Variants in GGA2 observed in about 807,000 individuals in gnomAD.
GGA2 encodes ADP-ribosylation factor-binding protein GGA2.
A neutral mutation model predicts 79.5 loss-of-function variants in GGA2; 48 were observed. The ratio of observed to expected loss-of-function variants is 0.60; its 90% CI spans 0.48 to 0.77. The LOEUF (loss-of-function observed/expected upper bound fraction) is 0.77, where lower values mean the gene tolerates loss of function less well. Ranked by LOEUF, GGA2 falls within the 30% of genes least tolerant of loss-of-function variation. GGA2 has a pLI of 0.00. For synonymous variants in GGA2, 317 were observed against 302.0 expected (o/e 1.05, Z -0.51); for missense variants, 770 against 774.0 (o/e 0.99, Z 0.06).
upstream of GGA2, chr16:23,522,494 G>A (rs1965155460): frequency 6.6e-6 from 1 of 151,972 alleles, no homozygotes; most frequent in South Asian, 2.1e-4. Flanking sequence ...TTTGGTAGAT[G>A]CTGTGGCTCT....
At chr16:23,502,042 G>A (rs1475197128) in intron 1 of GGA2, among the ~76,000 whole-genome samples, 1 of 152,204 alleles carries the variant, frequency 6.6e-6, no homozygotes, top group East Asian at 1.9e-4. Context: ...CCTAGCATGT[G>A]ACAGTGGTCT....
chr16:23,518,576 C>G (rs906945478), intron 2 of GGA2, among the ~76,000 whole-genome samples: 3 of 152,224 alleles, frequency 2.0e-5, no homozygotes, highest in Non-Finnish European at 2.9e-5. Flanking sequence ...CCTTCACTTC[C>G]AAGCTTTGTC....
intron 6 of GGA2, among the ~76,000 whole-genome samples, 194 bp from the exon 7 acceptor site, chr16:23,486,984 G>GTTTTTTT (rs35896041): frequency 7.5e-6 from 1 of 133,194 alleles, no homozygotes; most frequent in Non-Finnish European, 1.6e-5. Context: ...CTTTTCTGTT[G>GTTTTTTT]TTTTTTTTTT....
In GGA2 at chr16:23,465,661, C is replaced by T; in HGVS notation, c.*1929G>A. On this transcript the variant is annotated 3_prime_UTR_variant, in exon 17 of 17. Transcript: ENST00000309859. ...AGAGCCTATAAAAGCTACACAGAGG[C>T]CGGGTGCGGTGGCTCACGCCTGTAA... 1 of 469,280 alleles carries T rather than the reference C, an allele frequency of 2.1e-6. No individual in the cohort carries two copies. Among genetic ancestry groups the T allele is most frequent in the Non-Finnish European group, 3.8e-6 (1 of 262,398 alleles). The allele number at this position is 469,280 out of a possible 1,614,324, so 29.1% of individuals were successfully genotyped here.
intron 14 of GGA2, among the ~76,000 whole-genome samples, chr16:23,472,627 G>C (rs1207032946): frequency 6.6e-6 from 1 of 151,856 alleles, no homozygotes; most frequent in Non-Finnish European, 1.5e-5. Flanking sequence ...AGGATGGCTT[G>C]AGCCTGGAGG....
At chr16:23,512,365 T>A (rs1471530735), upstream of GGA2, among the ~76,000 whole-genome samples, 1 of 152,250 alleles carries the variant, frequency 6.6e-6, no homozygotes, top group Non-Finnish European at 1.5e-5. Context: ...AGGGTTCAGA[T>A]GTTCCTCTTA....
upstream of GGA2, among the ~76,000 whole-genome samples, chr16:23,511,490 T>G (rs915460647): frequency 5.4e-5 from 8 of 149,260 alleles, no homozygotes; most frequent in Non-Finnish European, 3.0e-5. Context: ...ACAGAAGGGT[T>G]TTCCTGGAAC....
Position 23,474,896 on chromosome 16 carries a change from G to A in GGA2, c.1450+8C>T. ...AAAAAAAAAGGTGGGGAGTGAAATT[G>A]TACTTACTGGGCTTAACAGACTCCA... On this transcript the variant is annotated splice_region_variant and intron_variant, in intron 14 of 16. Coordinates refer to ENST00000309859, the MANE Select transcript of GGA2 (RefSeq NM_015044.4). The A allele has an allele frequency of 6.3e-7, 1 of 1,589,928 alleles. No individual in the cohort carries two copies. Among genetic ancestry groups the A allele is most frequent in the Non-Finnish European group, 8.6e-7 (1 of 1,159,034 alleles).
At chr16:23,482,567 G>A (rs1000533158) in intron 9 of GGA2, among the ~76,000 whole-genome samples, 1 of 152,096 alleles carries the variant, frequency 6.6e-6, no homozygotes, top group Non-Finnish European at 1.5e-5. Flanking sequence ...GGCCCCTGAA[G>A]GTACAAAAGC....
At chr16:23,505,563 T>C (rs1596995976) in intron 1 of GGA2, among the ~76,000 whole-genome samples, 1 of 152,162 alleles carries the variant, frequency 6.6e-6, no homozygotes, top group Non-Finnish European at 1.5e-5. Context: ...GTTTGTACTT[T>C]TAAGGCATGA....
intron 2 of GGA2, among the ~76,000 whole-genome samples, chr16:23,515,582 A>AG (rs1965098352): frequency 6.6e-6 from 1 of 151,194 alleles, no homozygotes; most frequent in African/African-American, 2.4e-5. Flanking sequence ...GCAAAAAAAA[A>AG]AAAAAAAAAA....
At chr16:23,486,834 T>A (rs772412862) in intron 6 of GGA2, 44 bp from the exon 7 acceptor site, 3 of 1,114,752 alleles carry the variant, frequency 2.7e-6, no homozygotes, top group Non-Finnish European at 4.1e-6. Context: ...CACAACTCCC[T>A]CAGGCCTAGA....
At chr16:23,508,063 CTTTT>C (rs397855668) in intron 1 of GGA2, among the ~76,000 whole-genome samples, 2 of 138,414 alleles carry the variant, frequency 1.4e-5, no homozygotes. Context: ...ACTCCGGCTA[CTTTT>C]TTTTTTTTTT....
At chr16:23,493,659 C>G in intron 3 of GGA2, 1 of 567,244 alleles carries the variant, frequency 1.8e-6, no homozygotes, top group African/African-American at 1.9e-5. Flanking sequence ...GCTATAACTG[C>G]CTGAGGTTTA....
chr16:23,503,928 A>G (rs1964946731), intron 1 of GGA2, among the ~76,000 whole-genome samples: 1 of 152,188 alleles, frequency 6.6e-6, no homozygotes. Context: ...CTAAAAATAC[A>G]AAATTAGCCA....
At chr16:23,511,068 C>T (rs1243684970), upstream of GGA2, among the ~76,000 whole-genome samples, 1 of 142,826 alleles carries the variant, frequency 7.0e-6, no homozygotes, top group South Asian at 2.3e-4. Context: ...TGGGTTTCAC[C>T]ATGTTGCCCG....
chr16:23,510,737 T>C (rs575885528), upstream of GGA2, among the ~76,000 whole-genome samples: 2 of 152,364 alleles, frequency 1.3e-5, no homozygotes, highest in African/African-American at 2.4e-5. Flanking sequence ...GACGGGGTCT[T>C]GCTCTGTCAC....
intron 1 of GGA2, among the ~76,000 whole-genome samples, chr16:23,509,019 G>A (rs1965006225): frequency 6.6e-6 from 1 of 151,796 alleles, no homozygotes; most frequent in South Asian, 2.1e-4. Context: ...GTCCTCCTGC[G>A]GCCCCCAACC....
upstream of GGA2, among the ~76,000 whole-genome samples, chr16:23,513,783 CAAA>C (rs754377361): frequency 6.4e-5 from 3 of 47,146 alleles, no homozygotes; most frequent in African/African-American, 6.1e-5. Flanking sequence ...GACTCTGTCT[CAAA>C]AAAAAAAAAA....
Sources: gnomAD v4.1 joint callset for allele counts (sites outside exome capture counted in the v4.1 genomes callset) on GRCh38, gnomAD v4.1.1 for gene constraint, MANE v1.5 for transcripts, NCBI Gene and HGNC (gene_info 2026-07-23, HGNC 2026-07-21) for gene names.